Variants in CFAP52 observed in about 807,000 individuals in gnomAD.
CFAP52 encodes cilia- and flagella-associated protein 52.
CFAP52 carries 57 observed loss-of-function variants against 70.5 expected under a neutral mutation model. The ratio of observed to expected loss-of-function variants is 0.81; its 90% CI spans 0.65 to 1.01. The LOEUF is 1.01. Among genes scored for constraint, CFAP52 ranks in the 50% least tolerant of loss-of-function variants. The probability of loss-of-function intolerance (pLI) is 0.00; values close to 1 mark genes in which losing one functional copy is unlikely to be tolerated. For synonymous variants in CFAP52, 267 were observed against 292.5 expected, an observed-to-expected ratio of 0.91 and a Z score of 0.89; for missense variants, 785 against 788.5, an observed-to-expected ratio of 1.00 and a Z score of 0.05.
Position 9,643,417 on chromosome 17 carries a change from T to C in CFAP52, c.*219T>C, listed in dbSNP as rs1911179214. ...TTGTGCAGACTCTAATTAGAACTTT[T>C]AACATTTTGAATAAATTCTTAGTTG... On this transcript the variant is annotated 3_prime_UTR_variant, in exon 14 of 14. Transcript: ENST00000352665. 5.0e-6 allele frequency: 2 copies of C among 404,028 alleles called. No individual in the cohort carries two copies. The highest frequency in any genetic ancestry group is 8.5e-6 in the Non-Finnish European group (2 of 235,704). 25.0% of individuals were successfully genotyped at this position (404,028 alleles called of 1,614,324 possible). A position where few individuals can be genotyped will look rare whatever the true frequency, so the allele number is the denominator to read the frequency against.
At chr17:9,626,435 G>A (rs1389308840) in intron 8 of CFAP52, among the ~76,000 whole-genome samples, 1 of 152,102 alleles carries the variant, frequency 6.6e-6, no homozygotes, top group Non-Finnish European at 1.5e-5. Flanking sequence ...TTGCCATGTT[G>A]GCCAGGCTGG....
chr17:9,606,029 TG>T (rs1372166696), intron 6 of CFAP52, among the ~76,000 whole-genome samples: 1 of 152,028 alleles, frequency 6.6e-6, no homozygotes, highest in Non-Finnish European at 1.5e-5. Context: ...CTCAAATACT[TG>T]TATCTTCTGT....
intron 9 of CFAP52, among the ~76,000 whole-genome samples, chr17:9,630,029 T>C (rs552855746): frequency 6.6e-6 from 1 of 151,976 alleles, no homozygotes; most frequent in South Asian, 2.1e-4. Flanking sequence ...AGGACAGAAA[T>C]CTTGGAGTCC....
At chr17:9,596,314 T>G (rs1041851130) in intron 4 of CFAP52, among the ~76,000 whole-genome samples, 2 of 151,776 alleles carry the variant, frequency 1.3e-5, no homozygotes, top group African/African-American at 4.8e-5. Context: ...TTGTCCAGGC[T>G]GATCTTGAAC....
intron 1 of CFAP52, among the ~76,000 whole-genome samples, chr17:9,581,160 C>T (rs533183922): frequency 7.2e-5 from 11 of 152,124 alleles, no homozygotes; most frequent in African/African-American, 2.4e-4. Flanking sequence ...ACTAAAAATA[C>T]CAAAAAATTA....
In CFAP52 at chr17:9,612,289, T is replaced by A. The variant is rs538483197; in HGVS notation, c.855-20T>A. ...TACTGGTTGAGTGAATCTACTTTAC[T>A]TTTGTGCTTCTCCCTAAAGGAAGAT... On this transcript the variant is annotated intron_variant, in intron 7 of 13. Transcript: ENST00000352665. The A allele has an allele frequency of 3.1e-6, 5 of 1,612,130 alleles. No individual in the cohort carries two copies. The highest frequency in any genetic ancestry group is 8.5e-7 in the Non-Finnish European group (1 of 1,178,696).
intron 6 of CFAP52, among the ~76,000 whole-genome samples, chr17:9,605,797 A>G (rs1909467106): frequency 6.6e-6 from 1 of 151,524 alleles, no homozygotes. Flanking sequence ...GGGCAGTGAA[A>G]CTATTCTGTA....
chr17:9,615,674 C>T (rs1909874688), intron 8 of CFAP52, among the ~76,000 whole-genome samples: 1 of 151,314 alleles, frequency 6.6e-6, no homozygotes, highest in Non-Finnish European at 1.5e-5. Flanking sequence ...GGCTAGAGCA[C>T]AGTGACGCAA....
At chr17:9,592,603 G>A (rs1272635699) in intron 3 of CFAP52, among the ~76,000 whole-genome samples, 1 of 152,190 alleles carries the variant, frequency 6.6e-6, no homozygotes, top group Non-Finnish European at 1.5e-5. Context: ...TTTCTCATAA[G>A]TAGAATCATA....
chr17:9,615,795 C>CTTTTT (rs1190663709), intron 8 of CFAP52, among the ~76,000 whole-genome samples: 4 of 67,396 alleles, frequency 5.9e-5, no homozygotes, highest in African/African-American at 4.8e-5. Flanking sequence ...AAAAAAAATT[C>CTTTTT]TTTTTTTTTT....
chr17:9,595,662 T>G (rs1001062907), intron 4 of CFAP52, among the ~76,000 whole-genome samples: 4 of 152,072 alleles, frequency 2.6e-5, no homozygotes, highest in African/African-American at 9.7e-5. Context: ...AAAAAAAAGT[T>G]TTTTTAGGAC....
chr17:9,585,469 C>G (rs905631510), intron 1 of CFAP52, among the ~76,000 whole-genome samples: 1 of 152,192 alleles, frequency 6.6e-6, no homozygotes, highest in Non-Finnish European at 1.5e-5. Flanking sequence ...CAGTTCAAGA[C>G]CAGCCTGACC....
intron 3 of CFAP52, among the ~76,000 whole-genome samples, chr17:9,591,795 T>A (rs950734069): frequency 6.6e-6 from 1 of 151,692 alleles, no homozygotes; most frequent in African/African-American, 2.4e-5. Flanking sequence ...GGAGGATTGC[T>A]TGAGCCCAGG....
intron 7 of CFAP52, among the ~76,000 whole-genome samples, chr17:9,608,540 A>T (rs1373616760): frequency 6.6e-6 from 1 of 152,232 alleles, no homozygotes; most frequent in African/African-American, 2.4e-5. Flanking sequence ...TCCAAGAAAT[A>T]ACCCCCAATG....
At position 9,608,135 on chromosome 17, in the gene CFAP52, G is replaced by A; in HGVS notation, c.770G>A (p.Arg257Lys). ...DKFSLGVSAI[R>K]CLKMGGLLVG... is the part of the protein sequence containing the mutation. ...TCCCCCTAGGGAGTGTCAGCTATCA[G>A]GTGCCTGAAGATGGGGGGTTTGTTG... Residue 257 changes from arginine to lysine, a missense_variant, in exon 7 of 14, where the codon AGG becomes AAG. Physicochemically the swap from Arg to Lys is conservative, Grantham distance 26. Transcript: ENST00000352665. 1 of 1,612,566 alleles carries A rather than the reference G, an allele frequency of 6.2e-7. No homozygotes were observed. Among genetic ancestry groups the A allele is most frequent in the Non-Finnish European group, 8.5e-7 (1 of 1,179,060 alleles).
chr17:9,633,191 G>T (rs1190364291), intron 10 of CFAP52, among the ~76,000 whole-genome samples, 158 bp downstream of exon 10: 1 of 152,100 alleles, frequency 6.6e-6, no homozygotes, highest in African/African-American at 2.4e-5. Flanking sequence ...ATAAATAAAA[G>T]TTCTAATATT....
At position 9,632,972 on chromosome 17, in the gene CFAP52, T is replaced by A; in HGVS notation, c.1259T>A (p.Val420Asp). The A allele has an allele frequency of 6.2e-7, 1 of 1,614,114 alleles. No individual in the cohort carries two copies. The highest frequency in any genetic ancestry group is 8.5e-7 in the Non-Finnish European group (1 of 1,180,014). ...ATTAACAATGCTCACAGGATCGGCG[T>A]CACCGCCATCGCCACCACCAGTGAC... ...YVINNAHRIG[V>D]TAIATTSDCK... Residue 420 changes from valine to aspartate, a missense_variant, in exon 10 of 14, where the codon GTC becomes GAC. By Grantham distance (152) the Val-to-Asp change is radical. Coordinates refer to ENST00000352665, the MANE Select transcript of CFAP52 (RefSeq NM_145054.5).
intron 2 of CFAP52, 72 bp from the exon 3 acceptor site, chr17:9,586,626 C>A: frequency 1.4e-6 from 2 of 1,459,482 alleles, no homozygotes; most frequent in East Asian, 2.5e-5. Context: ...TGTTTTTCAC[C>A]AAGAAGGGTA....
intron 1 of CFAP52, among the ~76,000 whole-genome samples, chr17:9,577,777 T>A (rs572559080): frequency 6.6e-6 from 1 of 152,268 alleles, no homozygotes; most frequent in East Asian, 1.9e-4. Flanking sequence ...GTTGAGCCAA[T>A]GTAGAACCAC....
Sources: allele counts gnomAD v4.1 joint callset (sites outside exome capture counted in the v4.1 genomes callset), GRCh38; gene constraint gnomAD v4.1.1; transcripts MANE v1.5; gene names NCBI Gene and HGNC (gene_info 2026-07-23, HGNC 2026-07-21).